Variants in UBA2 observed in about 807,000 individuals in gnomAD.
The protein encoded by UBA2 is SUMO-activating enzyme subunit 2.
In UBA2, 11 loss-of-function variants were observed where a neutral mutation model predicts 77.2. The ratio of observed to expected loss-of-function variants is 0.14; its 90% CI spans 0.09 to 0.24. The LOEUF (loss-of-function observed/expected upper bound fraction) is 0.24. Among genes scored for constraint, UBA2 ranks in the 10% least tolerant of loss-of-function variants. The pLI, the probability that UBA2 is intolerant of heterozygous loss-of-function variation, is 1.00. For synonymous variants in UBA2, 278 were observed against 276.7 expected (o/e 1.00, Z -0.05); for missense variants, 487 against 781.7 (o/e 0.62, Z 4.50).
intron 15 of UBA2, 147 bp from the exon 16 acceptor site, chr19:34,466,731 T>G (rs533226243): frequency 1.8e-6 from 1 of 552,646 alleles, no homozygotes; most frequent in African/African-American, 1.9e-5. Flanking sequence ...CTATCTCTCA[T>G]TTTTTTTTAA....
chr19:34,428,867 C>T (rs2075219031), intron 1 of UBA2: 22 of 1,070,296 alleles, frequency 2.1e-5, no homozygotes, highest in South Asian at 4.5e-5. Context: ...CGCCTCTTAT[C>T]CTCCCTTCAA....
At chr19:34,428,667 G>A in intron 1 of UBA2, 97 bp downstream of exon 1, 1 of 1,186,298 alleles carries the variant, frequency 8.4e-7, no homozygotes, top group Non-Finnish European at 1.1e-6. Flanking sequence ...CTCAGGGCCC[G>A]GAGCCCGGGA....
At chr19:34,443,590 C>G (rs1446176855) in intron 6 of UBA2, among the ~76,000 whole-genome samples, 1 of 151,604 alleles carries the variant, frequency 6.6e-6, no homozygotes, top group Non-Finnish European at 1.5e-5. Context: ...TACAGGCGTG[C>G]GCTACCACGC....
At chr19:34,468,952 G>A in intron 16 of UBA2, 88 bp from the exon 17 acceptor site, 1 of 1,136,294 alleles carries the variant, frequency 8.8e-7, no homozygotes, top group African/African-American at 1.6e-5. Context: ...TATTAGAAGA[G>A]TCAGCTTTCA....
In UBA2 at chr19:34,464,066, T is replaced by C. The variant is rs746144921; in HGVS notation, c.1539T>C (p.Asn513=). The C allele has an allele frequency of 8.7e-6, 14 of 1,614,084 alleles. 1 individual carries two copies. The South Asian group carries it at 1.3e-4, about 15-fold the overall frequency. Residue 513 remains asparagine (N), a synonymous_variant, in exon 15 of 17, where the codon AAT becomes AAC. Coordinates refer to ENST00000246548, the MANE Select transcript of UBA2 (RefSeq NM_005499.3). ...AGTTGTCAGAATTTGGAATTAGAAA[T>C]GGCAGCCGGCTTCAAGCAGATGACT... is the stretch of plus-strand genomic sequence containing the variant. The part of the protein sequence containing the change: ...HKKLSEFGIR[N]GSRLQADDFL...
chr19:34,467,950 A>G (rs941985212), intron 16 of UBA2, among the ~76,000 whole-genome samples: 2 of 152,206 alleles, frequency 1.3e-5, no homozygotes, highest in Admixed American at 1.3e-4. Flanking sequence ...CAATAAATCC[A>G]TGCATCTGAC....
intron 5 of UBA2, among the ~76,000 whole-genome samples, chr19:34,437,780 G>A (rs78892828): frequency 6.6e-6 from 1 of 151,452 alleles, no homozygotes; most frequent in Non-Finnish European, 1.5e-5. Flanking sequence ...TGGGCTGGGC[G>A]CAGTGGCTCA....
chr19:34,443,692 A>G (rs2075395059), intron 6 of UBA2, 152 bp from the exon 7 acceptor site: 2 of 541,704 alleles, frequency 3.7e-6, no homozygotes, highest in Admixed American at 3.1e-5. Context: ...TGCCTGCCTC[A>G]GCCTCCCAAA....
At chr19:34,436,197 G>A (rs983098407) in intron 5 of UBA2, among the ~76,000 whole-genome samples, 9 of 152,044 alleles carry the variant, frequency 5.9e-5, no homozygotes, top group Non-Finnish European at 1.3e-4. Context: ...AAACTTTTTA[G>A]GGGTGTATTT....
intron 12 of UBA2, among the ~76,000 whole-genome samples, chr19:34,455,698 C>T (rs1362072922): frequency 2.0e-5 from 3 of 152,150 alleles, no homozygotes; most frequent in African/African-American, 4.8e-5. Flanking sequence ...GGCTGGAGTG[C>T]AGTGGCACAA....
intron 6 of UBA2, among the ~76,000 whole-genome samples, chr19:34,440,145 G>A (rs1376621972): frequency 6.6e-6 from 1 of 151,976 alleles, no homozygotes; most frequent in Non-Finnish European, 1.5e-5. Context: ...CCAACATGGC[G>A]AAACCCCGTC....
chr19:34,432,185 C>G (rs2075263465), intron 3 of UBA2, among the ~76,000 whole-genome samples: 1 of 152,048 alleles, frequency 6.6e-6, no homozygotes, highest in Admixed American at 6.6e-5. Context: ...ATATGCTTGC[C>G]TTAAGTAAGA....
At chr19:34,433,465 A>G in intron 4 of UBA2, 53 bp downstream of exon 4, 1 of 1,192,272 alleles carries the variant, frequency 8.4e-7, no homozygotes, top group South Asian at 1.3e-5. Context: ...CTCCCATATC[A>G]AATTTGTTTA....
chr19:34,459,333 C>G (rs1333302860), intron 13 of UBA2, among the ~76,000 whole-genome samples: 1 of 152,158 alleles, frequency 6.6e-6, no homozygotes, highest in Non-Finnish European at 1.5e-5. Flanking sequence ...GAGCAAAGCC[C>G]CAGTTACCAG....
intron 14 of UBA2, among the ~76,000 whole-genome samples, chr19:34,462,518 A>C (rs2075642297): frequency 6.6e-6 from 1 of 152,184 alleles, no homozygotes; most frequent in Non-Finnish European, 1.5e-5. Flanking sequence ...AAAATGGTAA[A>C]GCAAGCAACA....
chr19:34,436,046 G>C (rs566952367), intron 5 of UBA2, among the ~76,000 whole-genome samples: 9 of 150,670 alleles, frequency 6.0e-5, no homozygotes, highest in Non-Finnish European at 8.9e-5. Context: ...CTTGAACCGG[G>C]GAAGCGGAGG....
intron 2 of UBA2, among the ~76,000 whole-genome samples, chr19:34,431,338 G>A (rs10469319): frequency 3.0e-5 from 4 of 133,768 alleles, no homozygotes; most frequent in Non-Finnish European, 6.2e-5. Context: ...CTGCAGCCTA[G>A]AACTCCTGGC....
At chr19:34,444,956 C>T in intron 7 of UBA2, 44 bp from the exon 8 acceptor site, 1 of 1,590,702 alleles carries the variant, frequency 6.3e-7, no homozygotes, top group Non-Finnish European at 8.5e-7. Context: ...GAGTTCAGTT[C>T]TACATTTATT....
Position 34,445,435 on chromosome 19 carries a change from C to CT in UBA2, c.771+335dup, listed in dbSNP as rs67809236. On this transcript the variant is annotated intron_variant, in intron 8 of 16. Coordinates refer to ENST00000246548, the MANE Select transcript of UBA2 (RefSeq NM_005499.3). The stretch of plus-strand genomic sequence containing the variant: ...GTTTTCCTGCTGCTTCTCATCTTCA[C>CT]TTTTTTTTTTTTTTTTTTTTTGAGA... 9.4e-4 allele frequency among the ~76,000 whole-genome samples: 69 copies of CT among 73,054 alleles called. 1 individual carries two copies. The highest frequency in any genetic ancestry group is 2.8e-3 in the African/African-American group (54 of 19,592). The allele number at this position is 73,054 out of a possible 152,430, so 47.9% of individuals were successfully genotyped here.
Sources: allele counts gnomAD v4.1 joint callset (sites outside exome capture counted in the v4.1 genomes callset), GRCh38; gene constraint gnomAD v4.1.1; transcripts MANE v1.5; gene names NCBI Gene and HGNC (gene_info 2026-07-23, HGNC 2026-07-21).